The following CTNNA2 variants were observed in gnomAD, a reference collection of about 807,000 sequenced individuals.
CTNNA2 encodes catenin alpha-2.
A neutral mutation model predicts 101.0 loss-of-function variants in CTNNA2; 42 were observed. That is an observed-to-expected ratio of 0.42 (90% CI 0.32 to 0.54). The LOEUF is 0.54. Among genes scored for constraint, CTNNA2 ranks in the 20% least tolerant of loss-of-function variants. The pLI is 0.14. For synonymous variants in CTNNA2, 450 were observed against 456.4 expected (o/e 0.99, Z 0.18); for missense variants, 871 against 1,223.1 (o/e 0.71, Z 4.29).
At chr2:80,149,786 AC>A in intron 7 of CTNNA2, among the ~76,000 whole-genome samples, 2 of 139,220 alleles carry the variant, frequency 1.4e-5, no homozygotes, top group Non-Finnish European at 3.0e-5. Flanking sequence ...ACACACACAC[AC>A]ACACACACAC....
chr2:79,324,973 G>T lies in CTNNA2; in HGVS notation c.-318+12177G>T, dbSNP rs193103465. Among the ~76,000 whole-genome samples the T allele has an allele frequency of 2.0e-5, 3 of 152,200 alleles. No homozygotes were observed. In the East Asian group the frequency reaches 5.8e-4, roughly 29 times the overall value. Reference sequence around the variant, plus strand: ...AGAGTATGGTATTGCTGATAAAACGGAGCTACATAAATCCACCACCCTTCA... The same window carrying T: ...AGAGTATGGTATTGCTGATAAAACGTAGCTACATAAATCCACCACCCTTCA... On this transcript the variant is annotated intron_variant, in intron 3 of 21. Coordinates refer to the CTNNA2 transcript ENST00000466387.
At chr2:79,670,493 G>A (rs1022870890) in intron 2 of CTNNA2, among the ~76,000 whole-genome samples, 2 of 152,160 alleles carry the variant, frequency 1.3e-5, no homozygotes, top group Non-Finnish European at 2.9e-5. Flanking sequence ...GACCCAGGGC[G>A]CTTCCGTGCT....
chr2:79,910,677 C>T (rs1429846971), intron 7 of CTNNA2, among the ~76,000 whole-genome samples: 1 of 152,128 alleles, frequency 6.6e-6, no homozygotes, highest in African/African-American at 2.4e-5. Flanking sequence ...GTATAGCTAC[C>T]AGGTGGGTAA....
At chr2:79,775,896 T>C (rs72824521) in intron 3 of CTNNA2, among the ~76,000 whole-genome samples, 1 of 152,272 alleles carries the variant, frequency 6.6e-6, no homozygotes, top group Non-Finnish European at 1.5e-5. Context: ...TTCTTCCGAC[T>C]CTTAATATTA....
intron 7 of CTNNA2, among the ~76,000 whole-genome samples, chr2:80,118,244 G>A (rs971352231): frequency 6.6e-6 from 1 of 152,162 alleles, no homozygotes; most frequent in Admixed American, 6.5e-5. Context: ...TCTTGAAGTT[G>A]TATCAGTCTA....
At chr2:80,520,121 C>T (rs1689417225) in intron 9 of CTNNA2, among the ~76,000 whole-genome samples, 1 of 152,074 alleles carries the variant, frequency 6.6e-6, no homozygotes, top group Admixed American at 6.6e-5. Context: ...ATAGAAATTT[C>T]AGCTGAGTCA....
intron 2 of CTNNA2, among the ~76,000 whole-genome samples, chr2:79,307,673 A>G (rs1015569916): frequency 1.3e-5 from 2 of 152,182 alleles, no homozygotes; most frequent in African/African-American, 4.8e-5. Flanking sequence ...TTAGGCTGCA[A>G]TAAGCATGGG....
intron 7 of CTNNA2, among the ~76,000 whole-genome samples, chr2:80,200,329 G>A (rs1454218783): frequency 2.0e-5 from 3 of 152,078 alleles, no homozygotes; most frequent in African/African-American, 4.8e-5. Flanking sequence ...GGCCCGGAAG[G>A]GATGAACCTA....
chr2:79,584,225 G>A (rs1676325788), intron 1 of CTNNA2, among the ~76,000 whole-genome samples: 1 of 152,122 alleles, frequency 6.6e-6, no homozygotes. Context: ...TGTAAAGGAA[G>A]ACTTTGCCTC....
chr2:80,302,631 C>G lies in CTNNA2; in HGVS notation c.1057-90580C>G. On this transcript the variant is annotated intron_variant, in intron 7 of 18. Transcript: ENST00000402739. This position sits in a 1 kb window ranked among gnomAD's most constrained non-coding sequence, Gnocchi z 6.4. ...GTGCCGTCGTGCTGCCCCTCCCCGC[C>G]GTCCGCGAGCGTGGTGGCCGAGCTG... 1 of 1,606,674 alleles carries G rather than the reference C, an allele frequency of 6.2e-7. No homozygotes were observed. The highest frequency in any genetic ancestry group is 8.5e-7 in the Non-Finnish European group (1 of 1,178,364).
intron 4 of CTNNA2, among the ~76,000 whole-genome samples, chr2:79,495,799 A>G (rs1671250440): frequency 6.6e-6 from 1 of 152,244 alleles, no homozygotes; most frequent in Non-Finnish European, 1.5e-5. Flanking sequence ...CCGATACATG[A>G]TACAGTATCA....
intron 4 of CTNNA2, among the ~76,000 whole-genome samples, chr2:79,468,555 C>A (rs1363576254): frequency 6.6e-6 from 1 of 152,184 alleles, no homozygotes; most frequent in Non-Finnish European, 1.5e-5. Context: ...GAACTCTCCA[C>A]CCCAAATCAA....
chr2:79,743,749 G>A (rs992125057), intron 2 of CTNNA2, among the ~76,000 whole-genome samples: 1 of 151,968 alleles, frequency 6.6e-6, no homozygotes, highest in African/African-American at 2.4e-5. Flanking sequence ...GGCCAGGCTG[G>A]TCTCGAACTC....
chr2:80,558,464 A>ATGTG (rs869129917), intron 12 of CTNNA2, among the ~76,000 whole-genome samples: 55,083 of 145,850 alleles, frequency 0.38, 10,262 homozygotes, highest in South Asian at 0.5. Flanking sequence ...GTGTGTATAT[A>ATGTG]TGTGTGTGTG....
intron 3 of CTNNA2, among the ~76,000 whole-genome samples, chr2:79,821,343 G>A (rs1390465803): frequency 6.6e-6 from 1 of 151,988 alleles, no homozygotes; most frequent in African/African-American, 2.4e-5. Flanking sequence ...CAAGTAGCTG[G>A]GACTACAGCT....
intron 18 of CTNNA2, among the ~76,000 whole-genome samples, chr2:80,626,858 TCCCCGAGC>T (rs1671738415): frequency 6.6e-6 from 1 of 151,968 alleles, no homozygotes; most frequent in African/African-American, 2.4e-5. Context: ...ATGCTATCCC[TCCCCGAGC>T]CCCCTACCCC....
At chr2:79,867,403 C>CCATCCATCCA (rs1036046608) in intron 4 of CTNNA2, among the ~76,000 whole-genome samples, 1 of 151,956 alleles carries the variant, frequency 6.6e-6, no homozygotes, top group Non-Finnish European at 1.5e-5. Flanking sequence ...TCTATCCTAT[C>CCATCCATCCA]CATCCATCCA....
chr2:79,369,822 C>G (rs1677831263), intron 3 of CTNNA2, among the ~76,000 whole-genome samples: 1 of 152,158 alleles, frequency 6.6e-6, no homozygotes, highest in Non-Finnish European at 1.5e-5. Flanking sequence ...CAGCTTAAGT[C>G]CCACCTCCCC....
chr2:80,283,458 T>C (rs1339034487), intron 7 of CTNNA2, among the ~76,000 whole-genome samples: 1 of 152,110 alleles, frequency 6.6e-6, no homozygotes, highest in Non-Finnish European at 1.5e-5. Context: ...ATTTAAAAAA[T>C]AATCAAAGGA....
Sources: allele counts gnomAD v4.1 joint callset (sites outside exome capture counted in the v4.1 genomes callset), GRCh38; gene constraint gnomAD v4.1.1; non-coding constraint Gnocchi (gnomAD v3.1); transcripts MANE v1.5; gene names NCBI Gene and HGNC (gene_info 2026-07-23, HGNC 2026-07-21).